The following LILRB4 variants were observed in gnomAD, a reference collection of about 807,000 sequenced individuals.
LILRB4 encodes leukocyte immunoglobulin like receptor B4.
LILRB4 carries 49 observed loss-of-function variants against 55.2 expected under a neutral mutation model. The ratio of observed to expected loss-of-function variants is 0.89; its 90% CI spans 0.71 to 1.13. The LOEUF is 1.13. Ranked by LOEUF, LILRB4 falls within the 50% of genes most tolerant of loss-of-function variation. The pLI is 0.00. For synonymous variants in LILRB4, 229 were observed against 213.8 expected, an observed-to-expected ratio of 1.07 and a Z score of -0.62; for missense variants, 590 against 555.2, an observed-to-expected ratio of 1.06 and a Z score of -0.63.
At chr19:54,667,539 A>G in intron 10 of LILRB4, 96 bp from the exon 11 acceptor site, 1 of 1,567,454 alleles carries the variant, frequency 6.4e-7, no homozygotes, top group Non-Finnish European at 8.6e-7. Context: ...CCGTCAGGAA[A>G]GGGATGTAAT....
chr19:54,667,754 G>A (rs1199082134), exon 11 of LILRB4: 1 of 1,611,462 alleles, frequency 6.2e-7, no homozygotes, highest in Non-Finnish European at 8.5e-7. Flanking sequence ...TGGACACAAA[G>A]GACAGACAGG....
exon 1 of LILRB4, chr19:54,663,022 G>T: frequency 6.2e-7 from 1 of 1,613,996 alleles, no homozygotes; most frequent in South Asian, 1.1e-5. Flanking sequence ...GGGGCCCCTG[G>T]GAGGAGACGC....
At chr19:54,664,743 T>C (rs2065187305) in intron 4 of LILRB4, 56 bp from the exon 5 acceptor site, 1 of 1,344,188 alleles carries the variant, frequency 7.4e-7, no homozygotes, top group African/African-American at 1.5e-5. Context: ...TTCAATTTGA[T>C]GTGGAGACCC....
Position 54,665,259 on chromosome 19 carries a change from T to C in LILRB4, c.757+79T>C, listed in dbSNP as rs1218903466. ...GGGTTCTGTCCTAGGTTAAGGCTCCTCTGGAGGTGGTGATGTGGACAGGCC... is the reference window on the plus strand; with the variant it reads ...GGGTTCTGTCCTAGGTTAAGGCTCCCCTGGAGGTGGTGATGTGGACAGGCC... On this transcript the variant is annotated intron_variant, in intron 6 of 11. Coordinates refer to ENST00000430952, the Ensembl canonical transcript of LILRB4. This position sits in a 1 kb window ranked among gnomAD's most constrained non-coding sequence, Gnocchi z 5.5. The C allele has an allele frequency of 4.8e-6, 7 of 1,462,872 alleles. No homozygotes were observed. In the East Asian group the frequency reaches 1.6e-4, roughly 34 times the overall value. 90.6% of individuals were successfully genotyped at this position (1,462,872 alleles called of 1,614,324 possible). A position where few individuals can be genotyped will look rare whatever the true frequency, so the allele number is the denominator to read the frequency against.
exon 11 of LILRB4, chr19:54,667,730 G>A (rs2065354659): frequency 6.2e-7 from 1 of 1,610,978 alleles, no homozygotes; most frequent in African/African-American, 1.3e-5. Context: ...CCTCCCCACT[G>A]TCTGGGGAAT....
In LILRB4 at chr19:54,665,065, G is replaced by T. The variant is rs757459853; in HGVS notation, c.707-65G>T. The T allele has an allele frequency of 6.3e-7, 1 of 1,587,360 alleles. No homozygotes were observed. Among genetic ancestry groups the T allele is most frequent in the East Asian group, 2.2e-5 (1 of 44,554 alleles). The stretch of plus-strand genomic sequence containing the variant: ...GGTCAAGGCTGAAGGAGATGTTGCG[G>T]GGAGAAGCCGAGCTGATGTGGGGAG... On this transcript the variant is annotated intron_variant, in intron 5 of 11. Coordinates refer to ENST00000430952, the Ensembl canonical transcript of LILRB4. This position sits in a 1 kb window ranked among gnomAD's most constrained non-coding sequence, Gnocchi z 5.5.
At chr19:54,663,976 G>A in exon 3 of LILRB4, 1 of 1,614,080 alleles carries the variant, frequency 6.2e-7, no homozygotes, top group Non-Finnish European at 8.5e-7. Flanking sequence ...AGATACCGCT[G>A]TTACTATCGC....
chr19:54,663,561 C>T lies in LILRB4; in HGVS notation c.64C>T (p.Gln22Ter). The change falls in exon 2 of 12, where the codon CAG (glutamine) becomes TAG (stop). Residue 22 changes from glutamine (Q) to a stop codon, truncating the protein, a stop_gained. Transcript: ENST00000430952. LOFTEE classifies it high-confidence loss of function. ...GAGTCTGGGCCCCAGGACCCACATG[C>T]AGGCAGGTGAGTCTGTCCCCAGCTG... 1.2e-6 allele frequency: 2 copies of T among 1,613,508 alleles called. No individual in the cohort carries two copies. Among genetic ancestry groups the T allele is most frequent in the Middle Eastern group, 1.8e-4 (1 of 5,608 alleles).
exon 3 of LILRB4, chr19:54,663,836 G>T: frequency 1.2e-6 from 2 of 1,614,162 alleles, no homozygotes; most frequent in Non-Finnish European, 1.7e-6. Flanking sequence ...GGTGTCAGGG[G>T]ACCCTGGAGG....
chr19:54,667,936 C>A lies in LILRB4; in HGVS notation c.1261C>A (p.Gln421Lys), dbSNP rs552842259. The change falls in exon 12 of 12, where the codon CAG (glutamine) becomes AAG (lysine). Residue 421 changes from glutamine (Q) to lysine (K), a missense_variant. By Grantham distance (53) the Gln-to-Lys change is moderately conservative. Coordinates refer to ENST00000430952, the Ensembl canonical transcript of LILRB4. ...CCGGCTGCACAGCTTTACCCTCAGA[C>A]AGAAGGCAACTGAGCCTCCTCCATC... 48 of 1,613,460 alleles carry A rather than the reference C, an allele frequency of 3.0e-5. No individual in the cohort carries two copies. In the Admixed American group the frequency reaches 7.7e-4, roughly 26 times the overall value.
exon 12 of LILRB4, chr19:54,668,219 C>A (rs1258224090): frequency 1.4e-5 from 8 of 588,714 alleles, no homozygotes; most frequent in Admixed American, 3.1e-5. Context: ...AAGTAGCAGA[C>A]CTCTCAATTC....
rs574650911 is a variant in LILRB4 at position 54,666,885 on chromosome 19, T to C, written c.1041+136T>C. 1,775 of 912,762 alleles carry C rather than the reference T, an allele frequency of 1.9e-3. 3 individuals carry two copies. Among genetic ancestry groups the C allele is most frequent in the South Asian group, 3.0e-3 (229 of 76,778 alleles). 56.5% of individuals were successfully genotyped at this position (912,762 alleles called of 1,614,324 possible). On this transcript the variant is annotated intron_variant, in intron 10 of 11. Transcript: ENST00000430952. This position sits in a 1 kb window ranked among gnomAD's most constrained non-coding sequence, Gnocchi z 4.8. ...CCTCCTTGTCCAGCACGCTGCCTCC[T>C]GCCTGCTGGGACCTCACTCTCTCCT...
rs763916540 is a variant in LILRB4, at chr19:54,665,131, A to G, written c.708A>G (p.Ala236=). Residue 236 remains alanine (A), a splice_region_variant and synonymous_variant, in exon 6 of 12, where the codon GCA becomes GCG. Transcript: ENST00000430952. This position sits in a 1 kb window ranked among gnomAD's most constrained non-coding sequence, Gnocchi z 5.5. Reference sequence around the variant, plus strand: ...CCTCACATCCCTGTTCTAACCCAGCAGGCCCTGAGGACCAGCCCCTCATGC... The same window carrying G: ...CCTCACATCCCTGTTCTAACCCAGCGGGCCCTGAGGACCAGCCCCTCATGC... 1 of 1,608,622 alleles carries G rather than the reference A, an allele frequency of 6.2e-7. No individual in the cohort carries two copies. Among genetic ancestry groups the G allele is most frequent in the East Asian group, 2.2e-5 (1 of 44,524 alleles).
chr19:54,668,183 A>G (rs893917047), exon 12 of LILRB4: 11 of 707,092 alleles, frequency 1.6e-5, no homozygotes, highest in Non-Finnish European at 2.6e-5. Context: ...TGCAAAGATA[A>G]ATAATATCCC....
chr19:54,663,198 G>C, intron 1 of LILRB4, 131 bp downstream of exon 1: 1 of 1,073,436 alleles, frequency 9.3e-7, no homozygotes, highest in East Asian at 2.6e-5. Flanking sequence ...TGTAATCCCA[G>C]CACTTTGGGA....
At position 54,666,228 on chromosome 19, in the gene LILRB4, ATCTTCC is replaced by A; in HGVS notation, c.875-11_875-6del. Reference sequence around the variant, plus strand: ...CGTTCCCAGAGCTGAGACTCTGTCCATCTTCCCCCAGCCCAGAGACAGGCTGATTTC... The same window carrying A: ...CGTTCCCAGAGCTGAGACTCTGTCCACCCAGCCCAGAGACAGGCTGATTTC... On this transcript the variant is annotated splice_polypyrimidine_tract_variant and splice_region_variant and intron_variant, in intron 7 of 11. Coordinates refer to ENST00000430952, the Ensembl canonical transcript of LILRB4. This position sits in a 1 kb window ranked among gnomAD's most constrained non-coding sequence, Gnocchi z 4.8. The A allele has an allele frequency of 6.3e-7, 1 of 1,580,288 alleles. No homozygotes were observed. The highest frequency in any genetic ancestry group is 8.6e-7 in the Non-Finnish European group (1 of 1,165,104).
chr19:54,663,170 G>C, intron 1 of LILRB4, 103 bp downstream of exon 1: 1 of 1,354,684 alleles, frequency 7.4e-7, no homozygotes, highest in Non-Finnish European at 1.0e-6. Flanking sequence ...AGGGTAGCCG[G>C]GCGCGGTGGC....
rs1253463726 is a variant in LILRB4, at chr19:54,666,323, TGCCCAAAGACCTCAGACTCCC to T, written c.950+9_950+29del. ...CGGGGGCCTACAGAGGAGGTAATTC[TGCCCAAAGACCTCAGACTCCC>T]ACCCATCCCAACAGCCACCTCACTG... On this transcript the variant is annotated intron_variant, in intron 8 of 11. Coordinates refer to ENST00000430952, the Ensembl canonical transcript of LILRB4. The surrounding 1 kb of genome is among the most constrained non-coding windows in gnomAD (Gnocchi z 4.8). 1 of 1,609,152 alleles carries T rather than the reference TGCCCAAAGACCTCAGACTCCC, an allele frequency of 6.2e-7. No individual in the cohort carries two copies. The highest frequency in any genetic ancestry group is 2.2e-5 in the East Asian group (1 of 44,820).
chr19:54,668,714 A>G (rs912352457), downstream of LILRB4: 1 of 152,282 alleles, frequency 6.6e-6, no homozygotes, highest in Admixed American at 6.5e-5. Flanking sequence ...ATGCCACTTC[A>G]GCAAGGTTTG....
Sources: gnomAD v4.1 joint callset for allele counts on GRCh38, gnomAD v4.1.1 for gene constraint, Gnocchi (gnomAD v3.1) non-coding constraint, MANE v1.5 for transcripts, NCBI Gene and HGNC (gene_info 2026-07-23, HGNC 2026-07-21) for gene names.